PRH1: variants seen among roughly 807,000 people sequenced by gnomAD.
PRH1 encodes proline rich protein HaeIII subfamily 1.
A neutral mutation model predicts 7.9 loss-of-function variants in PRH1; 7 were observed. The ratio of observed to expected loss-of-function variants is 0.89; its 90% CI spans 0.50 to 1.67. PRH1 has a LOEUF of 1.67. Ranked by LOEUF, PRH1 falls within the 40% of genes most tolerant of loss-of-function variation. PRH1 has a pLI of 0.00. For missense variants in PRH1, 109 were observed against 223.6 expected (o/e 0.49, Z 3.27); for synonymous variants, 45 against 80.8 (o/e 0.56, Z 2.38).
Position 11,091,115 on chromosome 12 carries a change from C to CATATATATATAT in PRH1, n.124-43939_124-43928dup, listed in dbSNP as rs1555163213. The stretch of plus-strand genomic sequence containing the variant: ...ACACAAATACACACACACACACACA[C>CATATATATATAT]ATATATATATATATATATATATATA... On this transcript the variant is annotated intron_variant and non_coding_transcript_variant, in intron 1 of 4. Transcript: ENST00000541977. 8.9e-3 allele frequency among the ~76,000 whole-genome samples: 224 copies of CATATATATATAT among 25,106 alleles called. 27 individuals carry two copies. Among genetic ancestry groups the CATATATATATAT allele is most frequent in the African/African-American group, 0.016 (210 of 12,736 alleles). 16.5% of individuals were successfully genotyped at this position (25,106 alleles called of 152,430 possible).
chr12:11,047,265 T>C, upstream of PRH1: 1 of 296,942 alleles, frequency 3.4e-6, no homozygotes, highest in Non-Finnish European at 7.0e-6. Context: ...CAATGAAACA[T>C]ATGATTAATA....
At chr12:10,939,974 T>A (rs931764846) in intron 2 of PRH1, among the ~76,000 whole-genome samples, 1 of 152,142 alleles carries the variant, frequency 6.6e-6, no homozygotes, top group Non-Finnish European at 1.5e-5. Context: ...TGATACCTCA[T>A]AAATGTATGC....
chr12:10,996,738 A>G (rs1011507098), intron 1 of PRH1: 6 of 361,962 alleles, frequency 1.7e-5, no homozygotes, highest in African/African-American at 6.3e-5. Context: ...TTAAATTTTC[A>G]TATACATTCA....
chr12:10,938,463 T>A (rs755402197), intron 2 of PRH1: 1 of 1,613,884 alleles, frequency 6.2e-7, no homozygotes, highest in South Asian at 1.1e-5. Context: ...CAAACTGATA[T>A]GAAAAAAGAC....
chr12:11,118,929 A>C (rs1945808988), downstream of PRH1, among the ~76,000 whole-genome samples: 1 of 142,708 alleles, frequency 7.0e-6, no homozygotes, highest in Admixed American at 7.6e-5. Flanking sequence ...TGGGAGGCTG[A>C]AGTTGCAGTG....
chr12:11,065,616 T>C (rs1253201873), intron 1 of PRH1, among the ~76,000 whole-genome samples: 1 of 152,192 alleles, frequency 6.6e-6, no homozygotes, highest in Non-Finnish European at 1.5e-5. Flanking sequence ...TTTTATCTTA[T>C]TGTTTTAGGG....
At chr12:11,000,061 T>G (rs1227540060) in intron 1 of PRH1, among the ~76,000 whole-genome samples, 1 of 152,148 alleles carries the variant, frequency 6.6e-6, no homozygotes, top group Non-Finnish European at 1.5e-5. Context: ...TTTGATGCAA[T>G]TCCTATTATG....
At chr12:10,883,142 A>C in intron 1 of PRH1, 46 bp from the exon 2 acceptor site, 1 of 1,590,068 alleles carries the variant, frequency 6.3e-7, no homozygotes, top group Non-Finnish European at 8.6e-7. Context: ...TTCCTGAATC[A>C]TTCAAGGCTC....
chr12:11,058,346 T>C (rs1338057726), intron 1 of PRH1, among the ~76,000 whole-genome samples: 2 of 134,230 alleles, frequency 1.5e-5, no homozygotes, highest in Non-Finnish European at 3.3e-5. Context: ...AAAAGAGATA[T>C]GTGAAGATTC....
At chr12:11,022,114 ACT>A (rs1177030332) in intron 1 of PRH1, 3 of 1,613,618 alleles carry the variant, frequency 1.9e-6, no homozygotes, top group Non-Finnish European at 2.5e-6. Context: ...TTTTGTCCAC[ACT>A]CTCTCATCCA....
At chr12:11,151,464 G>A (rs1156854431) in intron 1 of PRH1, among the ~76,000 whole-genome samples, 1 of 152,100 alleles carries the variant, frequency 6.6e-6, no homozygotes, top group East Asian at 1.9e-4. Context: ...TTCTTCCCTT[G>A]GATAGAGACA....
chr12:10,929,423 G>A, intron 2 of PRH1: 3 of 1,531,662 alleles, frequency 2.0e-6, no homozygotes, highest in Non-Finnish European at 1.8e-6. Flanking sequence ...GGGAAGAGAG[G>A]AGGATGAGAA....
At chr12:11,075,835 C>T (rs1351050224) in intron 1 of PRH1, among the ~76,000 whole-genome samples, 2 of 133,938 alleles carry the variant, frequency 1.5e-5, no homozygotes, top group Non-Finnish European at 3.4e-5. Context: ...TCAAGAGTTT[C>T]GTTTTCACTG....
chr12:10,908,908 G>C lies in PRH1; in HGVS notation c.-58-24633C>G, dbSNP rs142394171. 46 of 1,612,882 alleles carry C rather than the reference G, an allele frequency of 2.9e-5. No homozygotes were observed. In the East Asian group the frequency reaches 9.6e-4, roughly 34 times the overall value. ...ACCAAGGTTCCTAGCAGTATCATCA[G>C]AATCACTTTGTTTACTCTCCACTTC... On this transcript the variant is annotated intron_variant, in intron 2 of 3. Coordinates refer to the PRH1 transcript ENST00000539853.
At chr12:11,046,658 A>G (rs1467735598) in intron 1 of PRH1, among the ~76,000 whole-genome samples, 1 of 152,120 alleles carries the variant, frequency 6.6e-6, no homozygotes, top group African/African-American at 2.4e-5. Flanking sequence ...ATTGCCAATG[A>G]ATGGCTGTTT....
intron 1 of PRH1, among the ~76,000 whole-genome samples, chr12:11,155,448 A>G (rs1947223023): frequency 6.6e-6 from 1 of 152,218 alleles, no homozygotes; most frequent in South Asian, 2.1e-4. Flanking sequence ...TTAAAAATCA[A>G]AACTAGAATT....
At chr12:10,989,478 T>C (rs1356880702) in intron 1 of PRH1, among the ~76,000 whole-genome samples, 1 of 152,202 alleles carries the variant, frequency 6.6e-6, no homozygotes, top group Non-Finnish European at 1.5e-5. Flanking sequence ...TACAGGGTCA[T>C]CAAATATAGC....
chr12:11,028,027 C>T (rs1189645651), intron 1 of PRH1, among the ~76,000 whole-genome samples: 1 of 152,192 alleles, frequency 6.6e-6, no homozygotes, highest in African/African-American at 2.4e-5. Flanking sequence ...AGTGGCGGTA[C>T]TGGACACAAA....
intron 2 of PRH1, chr12:10,908,734 T>C (rs1949845826): frequency 1.9e-6 from 3 of 1,613,804 alleles, no homozygotes; most frequent in Non-Finnish European, 2.5e-6. Flanking sequence ...GTAAATGGTG[T>C]TAGACTGAAC....
Sources: allele counts gnomAD v4.1 joint callset (sites outside exome capture counted in the v4.1 genomes callset), GRCh38; gene constraint gnomAD v4.1.1; transcripts MANE v1.5; gene names NCBI Gene and HGNC (gene_info 2026-07-23, HGNC 2026-07-21).